The following GARNL3 variants were observed in gnomAD, a reference collection of about 807,000 sequenced individuals.
GARNL3 encodes the protein GTPase-activating Rap/Ran-GAP domain-like protein 3.
A neutral mutation model predicts 125.0 loss-of-function variants in GARNL3; 63 were observed. That is an observed-to-expected ratio of 0.50 (90% confidence interval 0.41 to 0.62). The LOEUF (loss-of-function observed/expected upper bound fraction) is 0.62, where lower values mean the gene tolerates loss of function less well. Ranked by LOEUF, GARNL3 falls within the 20% of genes least tolerant of loss-of-function variation. GARNL3 has a pLI of 0.00. For synonymous variants in GARNL3, 439 were observed against 457.5 expected (o/e 0.96, Z 0.52); for missense variants, 994 against 1,244.0 (o/e 0.80, Z 3.02).
chr9:127,348,810 C>G (rs894363028), intron 16 of GARNL3, 114 bp from the exon 17 acceptor site: 22 of 658,596 alleles, frequency 3.3e-5, no homozygotes, highest in Non-Finnish European at 5.4e-5. Flanking sequence ...GACTCCGCTC[C>G]CACGGGGGTA....
chr9:127,227,605 AAAAC>A (rs1258235923), intron 1 of GARNL3, among the ~76,000 whole-genome samples: 1 of 151,354 alleles, frequency 6.6e-6, no homozygotes, highest in Non-Finnish European at 1.5e-5. Flanking sequence ...CGTCTCAAAA[AAAAC>A]AAAAAACAAA....
At chr9:127,336,457 C>T (rs1304251242) in intron 11 of GARNL3, among the ~76,000 whole-genome samples, 1 of 152,124 alleles carries the variant, frequency 6.6e-6, no homozygotes, top group African/African-American at 2.4e-5. Flanking sequence ...TTCTTGACTC[C>T]TGAAATATGG....
chr9:127,237,728 CAGTT>C (rs1033235884), intron 1 of GARNL3, among the ~76,000 whole-genome samples: 1 of 152,212 alleles, frequency 6.6e-6, no homozygotes, highest in Non-Finnish European at 1.5e-5. Context: ...AATCCAGCCT[CAGTT>C]GGGTGCTTGA....
chr9:127,276,184 CATT>C (rs964974664), intron 1 of GARNL3, among the ~76,000 whole-genome samples: 61 of 151,212 alleles, frequency 4.0e-4, no homozygotes, highest in African/African-American at 1.5e-3. Flanking sequence ...GATGGGGTCT[CATT>C]ATGTTATCCA....
At chr9:127,267,050 C>A (rs2063720150) in intron 1 of GARNL3, among the ~76,000 whole-genome samples, 1 of 152,150 alleles carries the variant, frequency 6.6e-6, no homozygotes, top group African/African-American at 2.4e-5. Context: ...ATTTGCAATT[C>A]TAACAAGTTC....
intron 17 of GARNL3, 94 bp from the exon 18 acceptor site, chr9:127,353,752 A>T (rs745681154): frequency 3.7e-6 from 3 of 810,170 alleles, no homozygotes; most frequent in Non-Finnish European, 6.7e-6. Context: ...GCCTAGAGAT[A>T]ACTTGGGTTC....
chr9:127,290,780 C>G (rs753842136), intron 1 of GARNL3, among the ~76,000 whole-genome samples: 26 of 152,216 alleles, frequency 1.7e-4, no homozygotes, highest in Non-Finnish European at 3.2e-4. Context: ...TTGCCAGCCA[C>G]TAATTGTTCT....
At chr9:127,293,410 A>G (rs1352135329) in intron 2 of GARNL3, among the ~76,000 whole-genome samples, 3 of 152,310 alleles carry the variant, frequency 2.0e-5, no homozygotes, top group Non-Finnish European at 4.4e-5. Context: ...TCTGTGGGTT[A>G]TCTTTTCACT....
intron 1 of GARNL3, among the ~76,000 whole-genome samples, chr9:127,267,669 G>A (rs192661611): frequency 1.4e-4 from 22 of 152,334 alleles, no homozygotes; most frequent in Admixed American, 2.6e-4. Flanking sequence ...TGACTGCAGT[G>A]TTTTAAGAGG....
At chr9:127,380,424 A>G (rs1446724811) in intron 22 of GARNL3, among the ~76,000 whole-genome samples, 1 of 152,210 alleles carries the variant, frequency 6.6e-6, no homozygotes, top group Non-Finnish European at 1.5e-5. Context: ...AAATCATGTG[A>G]CTTACATATA....
At position 127,266,840 on chromosome 9, in the gene GARNL3, G is replaced by T. The variant is rs1296112748; in HGVS notation, c.144+1819G>T. Among the ~76,000 whole-genome samples the T allele has an allele frequency of 6.6e-6, 1 of 152,186 alleles. No homozygotes were observed. The highest frequency in any genetic ancestry group is 6.5e-5 in the Admixed American group (1 of 15,274). On this transcript the variant is annotated intron_variant, in intron 1 of 27. Transcript: ENST00000373387. This position sits in a 1 kb window ranked among gnomAD's most constrained non-coding sequence, Gnocchi z 4.0. ...CTTTTAAACAGTGACAACATTACTTGGGGGAGATAACATGGGTGTGAAAGA... is the reference window on the plus strand; with the variant it reads ...CTTTTAAACAGTGACAACATTACTTTGGGGAGATAACATGGGTGTGAAAGA...
intron 22 of GARNL3, among the ~76,000 whole-genome samples, chr9:127,373,504 C>G (rs1474864338): frequency 6.6e-6 from 1 of 152,220 alleles, no homozygotes; most frequent in East Asian, 1.9e-4. Flanking sequence ...ATGGCTCACG[C>G]CTGTTTTCCC....
intron 1 of GARNL3, among the ~76,000 whole-genome samples, chr9:127,275,685 C>T (rs1026595779): frequency 6.6e-5 from 10 of 152,234 alleles, no homozygotes; most frequent in African/African-American, 2.2e-4. Context: ...TGTAGCTTGC[C>T]GTGATTGGCT....
At chr9:127,293,535 C>T (rs190377817) in intron 2 of GARNL3, among the ~76,000 whole-genome samples, 1 of 152,150 alleles carries the variant, frequency 6.6e-6, no homozygotes, top group East Asian at 1.9e-4. Flanking sequence ...AAACCATTGC[C>T]TAATCCAAGG....
chr9:127,358,879 A>G (rs1160461571), intron 21 of GARNL3, among the ~76,000 whole-genome samples: 3 of 152,094 alleles, frequency 2.0e-5, no homozygotes, highest in Non-Finnish European at 4.4e-5. Context: ...GGTATATTTC[A>G]TTGCTTTGCA....
chr9:127,280,025 C>T lies in GARNL3; in HGVS notation c.145-11143C>T, dbSNP rs1015580570. Among the ~76,000 whole-genome samples, 6 of 152,074 alleles carry T rather than the reference C, an allele frequency of 3.9e-5. No homozygotes were observed. Among genetic ancestry groups the T allele is most frequent in the African/African-American group, 1.2e-4 (5 of 41,400 alleles). ...TTGGCTTTTTGCTGCTCTGTACCAG[C>T]GGCTCTAGAATTTATACATAACAGG... On this transcript the variant is annotated intron_variant, in intron 1 of 27. Transcript: ENST00000373387. The surrounding 1 kb of genome is among the most constrained non-coding windows in gnomAD (Gnocchi z 4.5).
chr9:127,269,869 T>A (rs2063783910), intron 1 of GARNL3, among the ~76,000 whole-genome samples: 2 of 151,704 alleles, frequency 1.3e-5, no homozygotes. Context: ...TTTCCAAATA[T>A]TTTCTTCCAT....
chr9:127,239,610 G>A (rs756162592), intron 1 of GARNL3, among the ~76,000 whole-genome samples: 12 of 152,142 alleles, frequency 7.9e-5, no homozygotes, highest in Admixed American at 2.0e-4. Flanking sequence ...TTATGCAAAT[G>A]AGTACTTACT....
chr9:127,306,499 G>A (rs1178023221), intron 2 of GARNL3, among the ~76,000 whole-genome samples: 2 of 152,102 alleles, frequency 1.3e-5, no homozygotes, highest in African/African-American at 4.8e-5. Flanking sequence ...AGGCCGAGGC[G>A]GGCGGATCAC....
Sources: allele counts gnomAD v4.1 joint callset (sites outside exome capture counted in the v4.1 genomes callset), GRCh38; gene constraint gnomAD v4.1.1; non-coding constraint Gnocchi (gnomAD v3.1); transcripts MANE v1.5; gene names NCBI Gene and HGNC (gene_info 2026-07-23, HGNC 2026-07-21).